NCKAP1: variants seen among roughly 807,000 people sequenced by gnomAD.
The protein encoded by NCKAP1 is nck-associated protein 1.
Under a neutral mutation model 151.2 loss-of-function variants are expected in NCKAP1, and 21 were observed. The observed-to-expected ratio is 0.14, with a 90% CI of 0.10 to 0.20. The LOEUF is 0.20. Ranked by LOEUF, NCKAP1 falls within the 10% of genes least tolerant of loss-of-function variation. NCKAP1 has a pLI of 1.00. For missense variants in NCKAP1, 933 were observed against 1,352.1 expected (o/e 0.69, Z 4.86); for synonymous variants, 484 against 451.8 (o/e 1.07, Z -0.90).
intron 16 of NCKAP1, among the ~76,000 whole-genome samples, chr2:182,965,740 A>C (rs890909808): frequency 3.9e-5 from 6 of 152,156 alleles, no homozygotes; most frequent in African/African-American, 1.4e-4. Flanking sequence ...AGGGGATATG[A>C]CTTTCTAATT....
Position 182,962,176 on chromosome 2 carries a change from A to C in NCKAP1, c.1864T>G (p.Cys622Gly). The C allele has an allele frequency of 6.2e-7, 1 of 1,611,824 alleles. No homozygotes were observed. The highest frequency in any genetic ancestry group is 8.5e-7 in the Non-Finnish European group (1 of 1,178,690). ...ATCATTACCTGGTCACTAAGGGTACACTGTTCTGTGCAAATATCAGTGATG... is the reference window on the plus strand; with the variant it reads ...ATCATTACCTGGTCACTAAGGGTACCCTGTTCTGTGCAAATATCAGTGATG... ...NLITDICTEQCTLSDQLLPKH... is the reference protein window; with the variant it reads ...NLITDICTEQGTLSDQLLPKH... Residue 622 changes from cysteine (C) to glycine (G), a missense_variant, in exon 18 of 31, where the codon TGT (cysteine) becomes GGT (glycine). Physicochemically the swap from Cys to Gly is radical, Grantham distance 159. Transcript: ENST00000361354.
chr2:182,982,867 G>A lies in NCKAP1; in HGVS notation c.1162C>T (p.His388Tyr), dbSNP rs1376103618. 2 of 1,611,914 alleles carry A rather than the reference G, an allele frequency of 1.2e-6. No homozygotes were observed. The highest frequency in any genetic ancestry group is 1.1e-5 in the South Asian group (1 of 90,620). The change falls in exon 12 of 31, where the codon CAT becomes TAT. Residue 388 changes from histidine to tyrosine, a missense_variant. Coordinates refer to ENST00000361354, the MANE Select transcript of NCKAP1 (RefSeq NM_013436.5). Reference protein sequence around the residue: ...ARDEIIWLLRHADNMPKKSAD... With the variant: ...ARDEIIWLLRYADNMPKKSAD... ...CTCTTCTTTGGCATGTTATCTGCAT[G>A]ACGAAGTAGCCAGATGATTTCATCA... is the stretch of plus-strand genomic sequence containing the variant.
At position 182,928,717 on chromosome 2, in the gene NCKAP1, A is replaced by C. The variant is rs116803650; in HGVS notation, c.3070+66T>G. On this transcript the variant is annotated intron_variant, in intron 28 of 30. Coordinates refer to ENST00000361354, the MANE Select transcript of NCKAP1 (RefSeq NM_013436.5). ...CAGTTAGTGGCAGAACTTAACTCAT[A>C]TTTTATTATAAAATACCAAAACCCA... 4.0e-4 allele frequency: 456 copies of C among 1,133,224 alleles called. No individual in the cohort carries two copies. In the African/African-American group the frequency reaches 5.8e-3, roughly 14 times the overall value. The allele number at this position is 1,133,224 out of a possible 1,614,324, so 70.2% of individuals were successfully genotyped here.
intron 29 of NCKAP1, 54 bp downstream of exon 29, chr2:182,928,063 A>G (rs1696684422): frequency 7.7e-7 from 1 of 1,299,256 alleles, no homozygotes; most frequent in African/African-American, 1.5e-5. Flanking sequence ...TGTGGTTGTG[A>G]ATTTTAGTTT....
chr2:183,023,765 GA>G (rs1559110498), intron 2 of NCKAP1, 40 bp downstream of exon 2: 5 of 1,468,162 alleles, frequency 3.4e-6, no homozygotes, highest in Non-Finnish European at 4.8e-6. Flanking sequence ...TTCTCTAAAA[GA>G]TGCTTAAAAT....
chr2:183,038,332 C>A lies in NCKAP1; in HGVS notation c.-233G>T, dbSNP rs557374215. The A allele has an allele frequency of 4.7e-4, 148 of 317,870 alleles. 2 individuals carry two copies. In the South Asian group the frequency reaches 0.011, roughly 23 times the overall value. 19.7% of individuals were successfully genotyped at this position (317,870 alleles called of 1,614,324 possible). A position where few individuals can be genotyped will look rare whatever the true frequency, so the allele number is the denominator to read the frequency against. ...CCGCGCCCCGGCAGCCTCCTGCCTT[C>A]CGCCCGCCGCCCTTCCGCCCCCACC... On this transcript the variant is annotated 5_prime_UTR_variant, in exon 1 of 31. Transcript: ENST00000361354.
In NCKAP1 at chr2:182,925,212, C is replaced by T. The variant is rs1306203779; in HGVS notation, c.*490G>A. The T allele has an allele frequency of 6.6e-6, 1 of 152,058 alleles. No homozygotes were observed. The highest frequency in any genetic ancestry group is 1.5e-5 in the Non-Finnish European group (1 of 67,992). The allele number at this position is 152,058 out of a possible 1,614,324, so 9.4% of individuals were successfully genotyped here. ...TACAGTGTTACAGTATTTAGTTTGG[C>T]AAATGTTTCAAAATAAAGTAGAAAT... On this transcript the variant is annotated 3_prime_UTR_variant, in exon 31 of 31. Coordinates refer to ENST00000361354, the MANE Select transcript of NCKAP1 (RefSeq NM_013436.5).
intron 8 of NCKAP1, among the ~76,000 whole-genome samples, chr2:182,991,016 T>C (rs752287964): frequency 4.6e-5 from 7 of 152,214 alleles, no homozygotes; most frequent in African/African-American, 9.6e-5. Flanking sequence ...AAGAGAAATT[T>C]TGTTTATAAA....
At chr2:183,025,928 G>A (rs987466850) in intron 1 of NCKAP1, among the ~76,000 whole-genome samples, 39 of 152,062 alleles carry the variant, frequency 2.6e-4, no homozygotes, top group African/African-American at 9.4e-4. Context: ...GAAAAATTTA[G>A]CTATCCATTC....
rs1283271979 is a variant in NCKAP1, at chr2:182,921,222, C to A, written c.*4480G>T. 6.6e-6 allele frequency: 1 copy of A among 152,130 alleles called. No homozygotes were observed. Among genetic ancestry groups the A allele is most frequent in the Non-Finnish European group, 1.5e-5 (1 of 68,028 alleles). The allele number at this position is 152,130 out of a possible 1,614,324, so 9.4% of individuals were successfully genotyped here. On this transcript the variant is annotated 3_prime_UTR_variant, in exon 31 of 31. Coordinates refer to ENST00000361354, the MANE Select transcript of NCKAP1 (RefSeq NM_013436.5). ...TACTGCTGAGAAATTAATGACTCTG[C>A]ACTGCATTAAATTTAAAAAATGAGC... is the stretch of plus-strand genomic sequence containing the variant.
chr2:183,002,060 C>T lies in NCKAP1; in HGVS notation c.513-17G>A, dbSNP rs1432801135. 1 of 1,612,812 alleles carries T rather than the reference C, an allele frequency of 6.2e-7. No homozygotes were observed. The highest frequency in any genetic ancestry group is 2.2e-5 in the East Asian group (1 of 44,802). Reference sequence around the variant, plus strand: ...TCTCTGTCACTTAAAACAGACATATCAAATTTCAATGAGTTGTAATCCATC... The same window carrying T: ...TCTCTGTCACTTAAAACAGACATATTAAATTTCAATGAGTTGTAATCCATC... On this transcript the variant is annotated splice_polypyrimidine_tract_variant and intron_variant, in intron 5 of 30. Coordinates refer to ENST00000361354, the MANE Select transcript of NCKAP1 (RefSeq NM_013436.5).
intron 16 of NCKAP1, among the ~76,000 whole-genome samples, 199 bp from the exon 17 acceptor site, chr2:182,965,007 A>G (rs555288361): frequency 6.6e-6 from 1 of 152,302 alleles, no homozygotes; most frequent in East Asian, 1.9e-4. Flanking sequence ...ATATAACAAT[A>G]ACAACATTTT....
intron 2 of NCKAP1, among the ~76,000 whole-genome samples, chr2:183,007,140 T>C (rs1698492855): frequency 6.6e-6 from 1 of 152,216 alleles, no homozygotes; most frequent in Non-Finnish European, 1.5e-5. Context: ...CCCAAAGTGC[T>C]GGGATTATAA....
intron 2 of NCKAP1, among the ~76,000 whole-genome samples, chr2:183,008,589 A>G (rs545598859): frequency 1.3e-5 from 2 of 152,138 alleles, no homozygotes; most frequent in East Asian, 3.9e-4. Flanking sequence ...GAGCCTTTGC[A>G]TTTGTTCTTT....
At chr2:183,013,891 G>A (rs1698634954) in intron 2 of NCKAP1, among the ~76,000 whole-genome samples, 2 of 152,006 alleles carry the variant, frequency 1.3e-5, no homozygotes, top group African/African-American at 2.4e-5. Flanking sequence ...TTGGAGCTGC[G>A]GTTCCTTCAG....
At chr2:183,016,560 A>G (rs541758509) in intron 2 of NCKAP1, among the ~76,000 whole-genome samples, 2 of 152,284 alleles carry the variant, frequency 1.3e-5, no homozygotes, top group African/African-American at 4.8e-5. Flanking sequence ...CCATTAGGGC[A>G]TATATATTTA....
At chr2:182,942,022 A>G in intron 24 of NCKAP1, 48 bp downstream of exon 24, 1 of 1,441,188 alleles carries the variant, frequency 6.9e-7, no homozygotes, top group Non-Finnish European at 9.6e-7. Context: ...CTAAATACTG[A>G]GTATCAAGAT....
At chr2:183,010,222 C>T (rs925103758) in intron 2 of NCKAP1, among the ~76,000 whole-genome samples, 2 of 152,188 alleles carry the variant, frequency 1.3e-5, no homozygotes, top group Admixed American at 1.3e-4. Flanking sequence ...TTGCTTTGAC[C>T]AACAGAAAGC....
chr2:182,949,012 AC>A (rs1038694945), intron 23 of NCKAP1, among the ~76,000 whole-genome samples: 2 of 152,244 alleles, frequency 1.3e-5, no homozygotes, highest in Non-Finnish European at 2.9e-5. Context: ...TATATTCCAC[AC>A]GAGGAAGAGA....
Sources: gnomAD v4.1 joint callset for allele counts (sites outside exome capture counted in the v4.1 genomes callset) on GRCh38, gnomAD v4.1.1 for gene constraint, MANE v1.5 for transcripts, NCBI Gene and HGNC (gene_info 2026-07-23, HGNC 2026-07-21) for gene names.